TNFSF13B: variants seen among roughly 807,000 people sequenced by gnomAD.
TNFSF13B encodes tumor necrosis factor ligand superfamily member 13B.
Under a neutral mutation model 29.1 loss-of-function variants are expected in TNFSF13B, and 8 were observed. The ratio of observed to expected loss-of-function variants is 0.27; its 90% CI spans 0.16 to 0.50. The LOEUF is 0.50. Among genes scored for constraint, TNFSF13B ranks in the 20% least tolerant of loss-of-function variants. The pLI, the probability that TNFSF13B is intolerant of heterozygous loss-of-function variation, is 0.98. For missense variants in TNFSF13B, 248 were observed against 334.9 expected (o/e 0.74, Z 2.03); for synonymous variants, 125 against 130.8 (o/e 0.96, Z 0.30).
chr13:108,291,436 C>A (rs1445614939), intron 3 of TNFSF13B, among the ~76,000 whole-genome samples: 1 of 151,318 alleles, frequency 6.6e-6, no homozygotes, highest in Non-Finnish European at 1.5e-5. Flanking sequence ...TCAAGAAGTT[C>A]TTGCATATTT....
chr13:108,285,547 GTATT>G (rs1049296017), intron 2 of TNFSF13B, among the ~76,000 whole-genome samples: 1 of 152,212 alleles, frequency 6.6e-6, no homozygotes, highest in Non-Finnish European at 1.5e-5. Context: ...GCAATGGTAA[GTATT>G]TGTGTATCTA....
intron 2 of TNFSF13B, among the ~76,000 whole-genome samples, chr13:108,285,613 C>A (rs1436330519): frequency 6.6e-6 from 1 of 152,126 alleles, no homozygotes; most frequent in South Asian, 2.1e-4. Context: ...TCCCATTGAA[C>A]CACCATCAGA....
At position 108,296,635 on chromosome 13, in the gene TNFSF13B, A is replaced by C. The variant is rs574793021; in HGVS notation, c.482-6618A>C. 2.1e-3 allele frequency among the ~76,000 whole-genome samples: 313 copies of C among 146,168 alleles called. 41 individuals carry two copies. Among genetic ancestry groups the C allele is most frequent in the African/African-American group, 7.6e-3 (297 of 39,108 alleles). ...ATTTAAAGTGATTACTGATAAGGAAAGAATTACTTATGTTGCTGTTTGTTC... is the reference window on the plus strand; with the variant it reads ...ATTTAAAGTGATTACTGATAAGGAACGAATTACTTATGTTGCTGTTTGTTC... On this transcript the variant is annotated intron_variant, in intron 3 of 5. Transcript: ENST00000375887.
intron 2 of TNFSF13B, among the ~76,000 whole-genome samples, chr13:108,274,391 A>G (rs1393738015): frequency 6.6e-6 from 1 of 150,890 alleles, no homozygotes; most frequent in Non-Finnish European, 1.5e-5. Flanking sequence ...ACATATATAT[A>G]CATACATAGT....
intron 2 of TNFSF13B, among the ~76,000 whole-genome samples, chr13:108,285,879 A>G (rs1881112999): frequency 6.6e-6 from 1 of 152,238 alleles, no homozygotes; most frequent in Admixed American, 6.5e-5. Context: ...CATATTTTTC[A>G]CAGACATTTA....
chr13:108,293,987 T>C (rs1223185801), intron 3 of TNFSF13B, among the ~76,000 whole-genome samples: 1 of 152,188 alleles, frequency 6.6e-6, no homozygotes, highest in East Asian at 1.9e-4. Context: ...AATTTCAACA[T>C]ATCAATTTTG....
chr13:108,299,758 A>G (rs190925691), intron 3 of TNFSF13B, among the ~76,000 whole-genome samples: 23 of 152,256 alleles, frequency 1.5e-4, no homozygotes, highest in South Asian at 4.2e-4. Context: ...GAGCCCAGGT[A>G]GGTATGTGGA....
At chr13:108,294,496 T>C (rs909937976) in intron 3 of TNFSF13B, among the ~76,000 whole-genome samples, 5 of 152,080 alleles carry the variant, frequency 3.3e-5, no homozygotes, top group African/African-American at 1.2e-4. Context: ...TTTCTGTATA[T>C]AGAATTATGA....
intron 2 of TNFSF13B, among the ~76,000 whole-genome samples, chr13:108,281,855 C>T (rs1880966634): frequency 1.3e-5 from 2 of 152,102 alleles, no homozygotes; most frequent in Admixed American, 6.5e-5. Flanking sequence ...CAATACCATG[C>T]TTTCCCCATT....
Position 108,276,145 on chromosome 13 carries a change from G to A in TNFSF13B, c.424+5721G>A, listed in dbSNP as rs370794986. Among the ~76,000 whole-genome samples, 404 of 152,290 alleles carry A rather than the reference G, an allele frequency of 2.7e-3. 1 individual carries two copies. Among genetic ancestry groups the A allele is most frequent in the African/African-American group, 9.2e-3 (384 of 41,558 alleles). ...CTGTGAGTTCCAGGCTGTAACATGAGTGTTGGAAGCGTGCAATGTAGAACT... is the reference window on the plus strand; with the variant it reads ...CTGTGAGTTCCAGGCTGTAACATGAATGTTGGAAGCGTGCAATGTAGAACT... On this transcript the variant is annotated intron_variant, in intron 2 of 5. Transcript: ENST00000375887.
chr13:108,306,761 A>T, intron 5 of TNFSF13B, 65 bp from the exon 6 acceptor site: 1 of 962,186 alleles, frequency 1.0e-6, no homozygotes, highest in Non-Finnish European at 1.6e-6. Flanking sequence ...AAATAGTTTT[A>T]TTTAAGATTC....
At chr13:108,285,001 G>A (rs1042121108) in intron 2 of TNFSF13B, among the ~76,000 whole-genome samples, 7 of 152,094 alleles carry the variant, frequency 4.6e-5, no homozygotes, top group Admixed American at 1.3e-4. Flanking sequence ...GCAGAACAGA[G>A]TCTGCCATAG....
At chr13:108,280,910 G>A (rs536411851) in intron 2 of TNFSF13B, among the ~76,000 whole-genome samples, 1 of 152,120 alleles carries the variant, frequency 6.6e-6, no homozygotes, top group Non-Finnish European at 1.5e-5. Flanking sequence ...TTGAGGCCGG[G>A]CGTGGTACCT....
intron 3 of TNFSF13B, chr13:108,302,746 G>A: frequency 1.1e-6 from 1 of 870,984 alleles, no homozygotes; most frequent in Non-Finnish European, 1.4e-6. Flanking sequence ...TAAAGGTTGT[G>A]TCTTAGTCAC....
At chr13:108,281,756 C>A (rs1880963973) in intron 2 of TNFSF13B, among the ~76,000 whole-genome samples, 1 of 152,136 alleles carries the variant, frequency 6.6e-6, no homozygotes, top group Non-Finnish European at 1.5e-5. Flanking sequence ...AGTAAGCAAC[C>A]AAAGCAAACT....
At position 108,298,968 on chromosome 13, in the gene TNFSF13B, A is replaced by AAAAC. The variant is rs879814003; in HGVS notation, c.482-4265_482-4262dup. 3.7e-3 allele frequency among the ~76,000 whole-genome samples: 533 copies of AAAAC among 145,456 alleles called. 51 individuals are homozygous for AAAAC. The highest frequency in any genetic ancestry group is 0.018 in the Admixed American group (265 of 14,658). On this transcript the variant is annotated intron_variant, in intron 3 of 5. Transcript: ENST00000375887. ...CTGGGCGACAGAGCAAGACTTGGGA[A>AAAAC]AAACAAACAAACAAACAAACAAAAA...
In TNFSF13B at chr13:108,308,019, C is replaced by T. The variant is rs1881828139; in HGVS notation, c.*1081C>T. The stretch of plus-strand genomic sequence containing the variant: ...ATCCCGGTTTTCATTTTATAAAGTA[C>T]CATACTTAAGAATGCTGTAATACTT... On this transcript the variant is annotated 3_prime_UTR_variant, in exon 6 of 6. Coordinates refer to ENST00000375887, the MANE Select transcript of TNFSF13B (RefSeq NM_006573.5). 1 of 151,794 alleles carries T rather than the reference C, an allele frequency of 6.6e-6. No individual in the cohort carries two copies. The allele number at this position is 151,794 out of a possible 1,614,324, so 9.4% of individuals were successfully genotyped here. A position where few individuals can be genotyped will look rare whatever the true frequency, so the allele number is the denominator to read the frequency against.
chr13:108,291,093 C>A (rs1046757908), intron 3 of TNFSF13B, among the ~76,000 whole-genome samples: 2 of 151,502 alleles, frequency 1.3e-5, no homozygotes, highest in African/African-American at 4.8e-5. Context: ...TCTGTTATAC[C>A]ATATTGACTT....
intron 2 of TNFSF13B, among the ~76,000 whole-genome samples, chr13:108,273,415 C>T (rs1288926501): frequency 6.6e-6 from 1 of 152,096 alleles, no homozygotes; most frequent in Admixed American, 6.5e-5. Context: ...ATAAAATATA[C>T]ACAAAAGTTA....
Sources: gnomAD v4.1 joint callset for allele counts (sites outside exome capture counted in the v4.1 genomes callset) on GRCh38, gnomAD v4.1.1 for gene constraint, MANE v1.5 for transcripts, NCBI Gene and HGNC (gene_info 2026-07-23, HGNC 2026-07-21) for gene names.